Variants in LRP1B observed in about 807,000 individuals in gnomAD.
LRP1B encodes the protein LDL receptor related protein 1B, also known as low-density lipoprotein receptor-related protein 1B.
Under a neutral mutation model 556.6 loss-of-function variants are expected in LRP1B, and 217 were observed. That is an observed-to-expected ratio of 0.39 (90% CI 0.35 to 0.44). The LOEUF (loss-of-function observed/expected upper bound fraction) is 0.44, where lower values mean the gene tolerates loss of function less well. LRP1B is among the 20% of genes least tolerant of loss of function. The probability of loss-of-function intolerance (pLI) is 1.00; values close to 1 mark genes in which losing one functional copy is unlikely to be tolerated. For synonymous variants in LRP1B, 2,047 were observed against 1,865.8 expected, an observed-to-expected ratio of 1.10 and a Z score of -2.50; for missense variants, 5,053 against 5,620.8, an observed-to-expected ratio of 0.90 and a Z score of 3.23.
intron 41 of LRP1B, among the ~76,000 whole-genome samples, chr2:140,634,843 G>A (rs1172236374): frequency 1.3e-5 from 2 of 152,040 alleles, no homozygotes; most frequent in African/African-American, 2.4e-5. Flanking sequence ...AATCCTGAGA[G>A]ACACGACAAC....
At chr2:140,732,091 G>T (rs1052261446) in intron 35 of LRP1B, among the ~76,000 whole-genome samples, 3 of 151,868 alleles carry the variant, frequency 2.0e-5, no homozygotes, top group South Asian at 2.1e-4. Context: ...TGATGTCTTG[G>T]GTTTGTTTAA....
chr2:141,195,969 CAAG>C (rs1681734217), intron 6 of LRP1B, among the ~76,000 whole-genome samples: 1 of 151,874 alleles, frequency 6.6e-6, no homozygotes, highest in African/African-American at 2.4e-5. Context: ...TAAGGCCTAC[CAAG>C]AAGAACTGAG....
chr2:140,510,047 G>C lies in LRP1B; in HGVS notation c.8279C>G (p.Thr2760Ser), dbSNP rs757756471. Residue 2760 changes from threonine (T) to serine (S), a missense_variant, in exon 52 of 91, where the codon ACC (threonine) becomes AGC (serine). By Grantham distance (58) the Thr-to-Ser change is moderately conservative. Coordinates refer to ENST00000389484, the MANE Select transcript of LRP1B (RefSeq NM_018557.3). Reference sequence around the variant, plus strand: ...GCAGCTGAACATGTCAGCAGCACAGGTTATGGCACCTGAAACACAAAAACA... The same window carrying C: ...GCAGCTGAACATGTCAGCAGCACAGCTTATGGCACCTGAAACACAAAAACA... ...DESDSICGAI[T>S]CAADMFSCQG... 1.2e-6 allele frequency: 2 copies of C among 1,613,368 alleles called. No homozygotes were observed. The highest frequency in any genetic ancestry group is 1.7e-6 in the Non-Finnish European group (2 of 1,179,924).
intron 35 of LRP1B, among the ~76,000 whole-genome samples, chr2:140,756,452 C>A (rs1221616549): frequency 1.3e-5 from 2 of 151,918 alleles, no homozygotes; most frequent in Admixed American, 6.6e-5. Flanking sequence ...CTATAGTAAT[C>A]AAGACAATTG....
At chr2:141,920,471 A>G (rs558390610) in intron 1 of LRP1B, among the ~76,000 whole-genome samples, 2 of 152,084 alleles carry the variant, frequency 1.3e-5, no homozygotes, top group African/African-American at 2.4e-5. Context: ...AGAAATATTG[A>G]GGATAAAAAT....
chr2:141,689,036 A>G (rs1558805644), intron 2 of LRP1B, among the ~76,000 whole-genome samples: 1 of 151,852 alleles, frequency 6.6e-6, no homozygotes, highest in Non-Finnish European at 1.5e-5. Flanking sequence ...TATCAATTAA[A>G]GTGCTGTCTC....
At chr2:140,487,510 C>A (rs1409602274) in intron 58 of LRP1B, 107 bp downstream of exon 58, 3 of 1,054,288 alleles carry the variant, frequency 2.8e-6, no homozygotes, top group East Asian at 2.6e-5. Context: ...TGAAACCACC[C>A]TAATGCATTT....
At chr2:140,268,808 TAC>T (rs2104941072) in intron 86 of LRP1B, among the ~76,000 whole-genome samples, 1 of 151,884 alleles carries the variant, frequency 6.6e-6, no homozygotes, top group East Asian at 2.0e-4. Flanking sequence ...AAAAAGGTCT[TAC>T]TCTAAGATCT....
At position 140,840,995 on chromosome 2, in the gene LRP1B, C is replaced by A. The variant is rs776750771; in HGVS notation, c.5037G>T (p.Arg1679Ser). The change falls in exon 30 of 91, where the codon AGG becomes AGT. Residue 1679 changes from arginine (R) to serine (S), a missense_variant. Physicochemically the swap from Arg to Ser is moderately radical, Grantham distance 110. Around this residue, in one of 5 missense-constraint regions of LRP1B, gnomAD observed 3,619 missense variants for 3,931.9 expected, o/e 0.92. Coordinates refer to ENST00000389484, the MANE Select transcript of LRP1B (RefSeq NM_018557.3). ...EFDETQINVA[R>S]LDGSLKTSII... ...TTGAGGTTTTCAAAGAGCCATCTAG[C>A]CTTGCCACATTAATTTGCGTTTCAT... 6.2e-6 allele frequency: 10 copies of A among 1,613,510 alleles called. No homozygotes were observed. Among genetic ancestry groups the A allele is most frequent in the South Asian group, 1.1e-5 (1 of 91,014 alleles).
At chr2:140,448,141 G>A (rs1686744504) in intron 63 of LRP1B, among the ~76,000 whole-genome samples, 1 of 152,068 alleles carries the variant, frequency 6.6e-6, no homozygotes, top group South Asian at 2.1e-4. Context: ...ACATGGTGTT[G>A]AAAAATGTCA....
intron 3 of LRP1B, among the ~76,000 whole-genome samples, chr2:141,329,899 T>G (rs1451090445): frequency 6.6e-6 from 1 of 152,142 alleles, no homozygotes; most frequent in Non-Finnish European, 1.5e-5. Context: ...GGAGGTTCTC[T>G]CTGAATTTGT....
chr2:141,125,750 T>G (rs1406740736), intron 7 of LRP1B, among the ~76,000 whole-genome samples: 1 of 150,124 alleles, frequency 6.7e-6, no homozygotes, highest in Non-Finnish European at 1.5e-5. Context: ...GGTCAGGCAT[T>G]TAGGAGAAGT....
intron 79 of LRP1B, among the ~76,000 whole-genome samples, chr2:140,332,295 A>G (rs970417200): frequency 1.5e-4 from 22 of 150,786 alleles, no homozygotes; most frequent in Non-Finnish European, 3.1e-4. Context: ...ACAATTCTGC[A>G]TATGCCTCAT....
At chr2:141,291,691 C>T (rs977385137) in intron 3 of LRP1B, among the ~76,000 whole-genome samples, 7 of 151,776 alleles carry the variant, frequency 4.6e-5, no homozygotes, top group Non-Finnish European at 1.0e-4. Flanking sequence ...CCCGTCTCTA[C>T]TGAAAATACA....
chr2:141,555,455 T>G (rs1389597976), intron 2 of LRP1B, among the ~76,000 whole-genome samples: 3 of 152,060 alleles, frequency 2.0e-5, no homozygotes. Flanking sequence ...AGACTAAAGA[T>G]TCAAGTCCTG....
intron 72 of LRP1B, among the ~76,000 whole-genome samples, chr2:140,359,316 G>GAGCA (rs572264411): frequency 4.4e-4 from 67 of 151,722 alleles, no homozygotes; most frequent in African/African-American, 1.6e-3. Context: ...CATAGAGCCG[G>GAGCA]AGCAAGCATA....
intron 32 of LRP1B, among the ~76,000 whole-genome samples, chr2:140,798,697 G>A (rs564554031): frequency 1.3e-5 from 2 of 152,264 alleles, no homozygotes; most frequent in South Asian, 2.1e-4. Context: ...TTGTCAACCT[G>A]CTAGATGACA....
At position 141,999,516 on chromosome 2, in the gene LRP1B, T is replaced by G. The variant is rs186722300; in HGVS notation, c.82+131132A>C. Among the ~76,000 whole-genome samples, 37 of 152,222 alleles carry G rather than the reference T, an allele frequency of 2.4e-4. 1 individual carries two copies. Among genetic ancestry groups the G allele is most frequent in the African/African-American group, 8.7e-4 (36 of 41,560 alleles). On this transcript the variant is annotated intron_variant, in intron 1 of 90. Transcript: ENST00000389484. ...AAAAGACCGCAATGGCTTGTTTAATTTTATTGAATTTTGTTAAAGAAATAA... is the reference window on the plus strand; with the variant it reads ...AAAAGACCGCAATGGCTTGTTTAATGTTATTGAATTTTGTTAAAGAAATAA...
At chr2:140,517,032 T>C (rs1420110722) in intron 49 of LRP1B, 21 bp from the exon 50 acceptor site, 2 of 1,523,922 alleles carry the variant, frequency 1.3e-6, no homozygotes, top group African/African-American at 1.4e-5. Context: ...ATATGGAATG[T>C]CAAACAATTT....
Sources: gnomAD v4.1 joint callset for allele counts (sites outside exome capture counted in the v4.1 genomes callset) on GRCh38, gnomAD v4.1.1 for gene constraint, gnomAD v4.1.1 regional missense constraint, MANE v1.5 for transcripts, NCBI Gene and HGNC (gene_info 2026-07-23, HGNC 2026-07-21) for gene names.